Variants in AFTPH observed in about 807,000 individuals in gnomAD.
AFTPH encodes aftiphilin protein.
A neutral mutation model predicts 72.5 loss-of-function variants in AFTPH; 7 were observed. The ratio of observed to expected loss-of-function variants is 0.10; its 90% CI spans 0.05 to 0.18. The LOEUF is 0.18. AFTPH is among the 10% of genes least tolerant of loss of function. AFTPH has a pLI of 1.00. For missense variants in AFTPH, 979 were observed against 1,060.5 expected, an observed-to-expected ratio of 0.92 and a Z score of 1.07; for synonymous variants, 337 against 370.1, an observed-to-expected ratio of 0.91 and a Z score of 1.03.
At chr2:64,536,951 C>CAAAAAAAA (rs70937353) in intron 1 of AFTPH, among the ~76,000 whole-genome samples, 4 of 81,782 alleles carry the variant, frequency 4.9e-5, no homozygotes, top group South Asian at 3.8e-4. Context: ...GACTCTGTCT[C>CAAAAAAAA]AAAAAAAAAA....
At chr2:64,539,214 G>A (rs1670064657) in intron 1 of AFTPH, among the ~76,000 whole-genome samples, 2 of 152,134 alleles carry the variant, frequency 1.3e-5, no homozygotes, top group African/African-American at 4.8e-5. Context: ...GGGGAGCAGA[G>A]AACAAGAAAA....
chr2:64,566,035 AT>A (rs1281024647), intron 2 of AFTPH, among the ~76,000 whole-genome samples: 3 of 152,228 alleles, frequency 2.0e-5, no homozygotes, highest in Non-Finnish European at 4.4e-5. Flanking sequence ...GAAAGATTTA[AT>A]TTACAGAGAA....
intron 7 of AFTPH, 177 bp downstream of exon 7, chr2:64,579,723 T>G: frequency 1.9e-6 from 1 of 534,662 alleles, no homozygotes; most frequent in Non-Finnish European, 3.3e-6. Context: ...GTTACTATTA[T>G]CAACAGTATT....
chr2:64,572,982 C>G (rs974952653), exon 6 of AFTPH: 2 of 1,613,976 alleles, frequency 1.2e-6, no homozygotes, highest in Admixed American at 3.3e-5. Context: ...ACTGAAACCA[C>G]TTTCTGCTGC....
chr2:64,533,932 A>T (rs907217103), intron 1 of AFTPH, among the ~76,000 whole-genome samples: 2 of 152,238 alleles, frequency 1.3e-5, no homozygotes, highest in Admixed American at 1.3e-4. Flanking sequence ...TCTTTAAATC[A>T]TTCTAAGTGA....
At chr2:64,530,804 G>A (rs1474435892) in intron 1 of AFTPH, among the ~76,000 whole-genome samples, 1 of 152,032 alleles carries the variant, frequency 6.6e-6, no homozygotes, top group Non-Finnish European at 1.5e-5. Flanking sequence ...GCTCACACCT[G>A]TAATCCCAGC....
At chr2:64,575,276 C>G (rs1015041541) in intron 6 of AFTPH, among the ~76,000 whole-genome samples, 1 of 152,118 alleles carries the variant, frequency 6.6e-6, no homozygotes, top group East Asian at 1.9e-4. Flanking sequence ...AGATGCCTGA[C>G]CTCCATCACA....
intron 1 of AFTPH, among the ~76,000 whole-genome samples, chr2:64,534,304 A>G (rs1283896361): frequency 6.6e-6 from 1 of 152,094 alleles, no homozygotes; most frequent in African/African-American, 2.4e-5. Flanking sequence ...ACTTATTAAG[A>G]GATAATTTAA....
intron 1 of AFTPH, among the ~76,000 whole-genome samples, chr2:64,524,854 G>C (rs1430156101): frequency 1.3e-5 from 2 of 152,234 alleles, no homozygotes; most frequent in East Asian, 3.9e-4. Flanking sequence ...GCCATCCCGG[G>C]CACCGGCCGG....
At chr2:64,581,251 T>C in intron 7 of AFTPH, 2 of 1,599,512 alleles carry the variant, frequency 1.3e-6, no homozygotes, top group Non-Finnish European at 1.7e-6. Context: ...ACAGTAGCTC[T>C]AGCAGCAGCA....
At chr2:64,531,945 A>AT (rs892907608) in intron 1 of AFTPH, among the ~76,000 whole-genome samples, 4 of 152,196 alleles carry the variant, frequency 2.6e-5, no homozygotes, top group East Asian at 3.8e-4. Flanking sequence ...GAATACATAG[A>AT]TTTTTTAAAA....
At chr2:64,577,392 T>A (rs1483771595) in intron 6 of AFTPH, among the ~76,000 whole-genome samples, 3 of 152,218 alleles carry the variant, frequency 2.0e-5, no homozygotes, top group Admixed American at 6.5e-5. Flanking sequence ...ATCACCTCAT[T>A]ATGATTTTGG....
chr2:64,573,304 A>C (rs543442156), intron 6 of AFTPH, among the ~76,000 whole-genome samples: 7 of 152,188 alleles, frequency 4.6e-5, no homozygotes, highest in Admixed American at 1.3e-4. Context: ...GTAAGTTCTT[A>C]AAACTATCCA....
chr2:64,591,162 G>C (rs1484716146), intron 8 of AFTPH, among the ~76,000 whole-genome samples: 2 of 152,194 alleles, frequency 1.3e-5, no homozygotes, highest in Admixed American at 1.3e-4. Context: ...GCATTTTCTT[G>C]TCTGTGTTAG....
At chr2:64,553,865 A>G (rs927495269) in intron 2 of AFTPH, among the ~76,000 whole-genome samples, 1 of 151,882 alleles carries the variant, frequency 6.6e-6, no homozygotes, top group African/African-American at 2.4e-5. Context: ...TCAAAGACCT[A>G]GGAAATTCAA....
At chr2:64,524,702 C>A (rs1188455697) in intron 1 of AFTPH, 90 bp downstream of exon 1, 5 of 387,742 alleles carry the variant, frequency 1.3e-5, no homozygotes, top group Non-Finnish European at 1.8e-5. Flanking sequence ...CTCACCCGGG[C>A]CGGGAGCATC....
intron 1 of AFTPH, among the ~76,000 whole-genome samples, chr2:64,529,844 T>C (rs746147237): frequency 1.6e-4 from 24 of 152,072 alleles, no homozygotes; most frequent in South Asian, 4.2e-4. Context: ...TTGCCCAGGC[T>C]GGAAAAATTA....
rs755836479 is a variant in AFTPH at position 64,552,527 on chromosome 2, A to G, written c.1053A>G (p.Gln351=). The G allele has an allele frequency of 5.0e-6, 8 of 1,614,112 alleles. No individual in the cohort carries two copies. In the East Asian group the frequency reaches 1.3e-4, roughly 27 times the overall value. Reference sequence around the variant, plus strand: ...ATTCAGAAGCCATTAGGAGAGAACAATGTAAAACTGAAGAAAAACTTGACT... The same window carrying G: ...ATTCAGAAGCCATTAGGAGAGAACAGTGTAAAACTGAAGAAAAACTTGACT... The change falls in exon 2 of 9, where the codon CAA becomes CAG. Residue 351 remains glutamine (Q), a synonymous_variant. Coordinates refer to ENST00000238856, the Ensembl canonical transcript of AFTPH.
intron 5 of AFTPH, among the ~76,000 whole-genome samples, chr2:64,572,549 G>A (rs1446459923): frequency 6.6e-6 from 1 of 152,158 alleles, no homozygotes; most frequent in Non-Finnish European, 1.5e-5. Context: ...CCCATCCCGA[G>A]TTGGTGCTTC....
Sources: allele counts gnomAD v4.1 joint callset (sites outside exome capture counted in the v4.1 genomes callset), GRCh38; gene constraint gnomAD v4.1.1; transcripts MANE v1.5; gene names NCBI Gene and HGNC (gene_info 2026-07-23, HGNC 2026-07-21).